Variants in SGCZ observed in about 807,000 individuals in gnomAD.
SGCZ encodes the protein zeta-sarcoglycan.
A neutral mutation model predicts 41.3 loss-of-function variants in SGCZ; 40 were observed. The ratio of observed to expected loss-of-function variants is 0.97; its 90% CI spans 0.75 to 1.26. SGCZ has a LOEUF of 1.26. Ranked by LOEUF, SGCZ falls within the 50% of genes most tolerant of loss-of-function variation. The pLI is 0.00. For synonymous variants in SGCZ, 206 were observed against 137.5 expected, an observed-to-expected ratio of 1.50 and a Z score of -3.49; for missense variants, 552 against 369.8, an observed-to-expected ratio of 1.49 and a Z score of -4.04.
chr8:14,276,349 T>C (rs1388483915), intron 3 of SGCZ, among the ~76,000 whole-genome samples: 2 of 152,120 alleles, frequency 1.3e-5, no homozygotes, highest in African/African-American at 4.8e-5. Context: ...TTTTGCATTC[T>C]CATTGCTTAG....
At chr8:14,825,931 C>CT (rs1382611423) in intron 1 of SGCZ, among the ~76,000 whole-genome samples, 1 of 152,014 alleles carries the variant, frequency 6.6e-6, no homozygotes, top group Non-Finnish European at 1.5e-5. Flanking sequence ...ACATATCTTT[C>CT]TTTTTTTAAT....
chr8:15,123,278 G>C (rs1807556492), intron 1 of SGCZ, among the ~76,000 whole-genome samples: 2 of 152,082 alleles, frequency 1.3e-5, no homozygotes, highest in Admixed American at 6.5e-5. Flanking sequence ...TTGATAAATA[G>C]AAAGGCTGAT....
At chr8:14,225,008 C>T (rs115862699) in intron 4 of SGCZ, among the ~76,000 whole-genome samples, 4,150 of 152,226 alleles carry the variant, frequency 0.027, 70 homozygotes, top group Middle Eastern at 0.071. Flanking sequence ...GACACTAAAT[C>T]AGCTTTGCCA....
At chr8:14,503,171 T>C (rs1585602980) in intron 2 of SGCZ, among the ~76,000 whole-genome samples, 1 of 151,986 alleles carries the variant, frequency 6.6e-6, no homozygotes, top group African/African-American at 2.4e-5. Context: ...GCAGAAACCA[T>C]CATTCTCAGC....
chr8:14,193,384 A>C (rs1805166861), intron 4 of SGCZ, among the ~76,000 whole-genome samples: 1 of 151,756 alleles, frequency 6.6e-6, no homozygotes, highest in African/African-American at 2.4e-5. Flanking sequence ...CAGTTGAATG[A>C]GTGAGAGAAT....
intron 1 of SGCZ, among the ~76,000 whole-genome samples, chr8:14,896,890 C>G (rs1380727435): frequency 6.6e-6 from 1 of 152,010 alleles, no homozygotes; most frequent in Non-Finnish European, 1.5e-5. Flanking sequence ...AAGCGATTCT[C>G]CCGCCTCAGC....
chr8:14,438,762 T>C (rs970304199), intron 2 of SGCZ, among the ~76,000 whole-genome samples: 10 of 152,138 alleles, frequency 6.6e-5, no homozygotes, highest in Admixed American at 3.9e-4. Flanking sequence ...AATATCACTG[T>C]AACATTATAT....
chr8:14,155,375 C>G (rs558436606), intron 5 of SGCZ, among the ~76,000 whole-genome samples: 1 of 152,192 alleles, frequency 6.6e-6, no homozygotes, highest in South Asian at 2.1e-4. Context: ...TAGTTACTTT[C>G]ACTAGTTGAC....
chr8:14,727,283 G>C (rs1169422636), intron 1 of SGCZ, among the ~76,000 whole-genome samples: 3 of 152,110 alleles, frequency 2.0e-5, no homozygotes, highest in East Asian at 1.9e-4. Flanking sequence ...GATTCTATTT[G>C]AATACTGTTT....
intron 1 of SGCZ, among the ~76,000 whole-genome samples, chr8:14,818,538 A>G (rs984920217): frequency 6.6e-6 from 1 of 152,176 alleles, no homozygotes; most frequent in Non-Finnish European, 1.5e-5. Context: ...TCAAGGAAAC[A>G]TGATGGCTTC....
At chr8:14,599,756 C>A (rs1310064617) in intron 1 of SGCZ, among the ~76,000 whole-genome samples, 1 of 152,174 alleles carries the variant, frequency 6.6e-6, no homozygotes, top group African/African-American at 2.4e-5. Flanking sequence ...AAAGCTCTGA[C>A]ATTAGTCCTC....
At chr8:14,968,884 G>C (rs1055895331) in intron 1 of SGCZ, among the ~76,000 whole-genome samples, 1 of 152,080 alleles carries the variant, frequency 6.6e-6, no homozygotes, top group Non-Finnish European at 1.5e-5. Context: ...TAATGACCTA[G>C]ATGGCTTTTC....
intron 2 of SGCZ, among the ~76,000 whole-genome samples, chr8:14,389,629 A>G (rs546250933): frequency 6.6e-6 from 1 of 152,094 alleles, no homozygotes; most frequent in East Asian, 1.9e-4. Flanking sequence ...ATTTGTCTTT[A>G]TAGACTCTTG....
chr8:14,183,380 G>C (rs907455851), intron 4 of SGCZ, among the ~76,000 whole-genome samples: 6 of 151,962 alleles, frequency 3.9e-5, no homozygotes, highest in African/African-American at 1.5e-4. Flanking sequence ...ATAAAAATGG[G>C]AAACACTCTC....
intron 1 of SGCZ, among the ~76,000 whole-genome samples, chr8:14,919,009 A>G (rs1322588221): frequency 6.6e-6 from 1 of 152,202 alleles, no homozygotes; most frequent in African/African-American, 2.4e-5. Context: ...GTGACCTTGG[A>G]TAAGACTTTA....
chr8:14,645,092 G>C lies in SGCZ; in HGVS notation c.40-90166C>G, dbSNP rs994159723. ...ATTTTTATATTTGGCAAGCATCCCAGGGCATAAAAGTTTGAAAACCATTGA... is the reference window on the plus strand; with the variant it reads ...ATTTTTATATTTGGCAAGCATCCCACGGCATAAAAGTTTGAAAACCATTGA... On this transcript the variant is annotated intron_variant, in intron 1 of 7. Transcript: ENST00000382080. Among the ~76,000 whole-genome samples the C allele has an allele frequency of 2.6e-5, 4 of 151,444 alleles. No individual in the cohort carries two copies. The East Asian group carries it at 5.9e-4, about 22-fold the overall frequency.
chr8:14,807,294 C>G (rs930491239), intron 1 of SGCZ, among the ~76,000 whole-genome samples: 2 of 152,220 alleles, frequency 1.3e-5, no homozygotes, highest in Admixed American at 6.5e-5. Flanking sequence ...CAAATTGTCC[C>G]TGTTTGCAGA....
At position 14,778,909 on chromosome 8, in the gene SGCZ, A is replaced by G. The variant is rs116277969; in HGVS notation, c.40-223983T>C. Among the ~76,000 whole-genome samples, 766 of 152,328 alleles carry G rather than the reference A, an allele frequency of 5.0e-3. 6 individuals carry two copies. The highest frequency in any genetic ancestry group is 0.018 in the African/African-American group (743 of 41,590). ...ATATCGCCATTCGTGAAAACACATT[A>G]GGAATATCTTATAACATTAAATAGT... On this transcript the variant is annotated intron_variant, in intron 1 of 7. Coordinates refer to ENST00000382080, the MANE Select transcript of SGCZ (RefSeq NM_139167.4).
At chr8:14,135,968 G>T (rs190098405) in intron 5 of SGCZ, among the ~76,000 whole-genome samples, 10 of 152,150 alleles carry the variant, frequency 6.6e-5, no homozygotes, top group Non-Finnish European at 1.5e-4. Flanking sequence ...ATACTAACTA[G>T]TTTTATGAGA....
Sources: gnomAD v4.1 joint callset for allele counts (sites outside exome capture counted in the v4.1 genomes callset) on GRCh38, gnomAD v4.1.1 for gene constraint, MANE v1.5 for transcripts, NCBI Gene and HGNC (gene_info 2026-07-23, HGNC 2026-07-21) for gene names.